The following CASK variants were observed in gnomAD, a reference collection of about 807,000 sequenced individuals.
CASK encodes calcium/calmodulin dependent serine protein kinase, also known as peripheral plasma membrane protein CASK.
Under a neutral mutation model 82.9 loss-of-function variants are expected in CASK, and 4 were observed. That is an observed-to-expected ratio of 0.05 (90% CI 0.02 to 0.11). The LOEUF (loss-of-function observed/expected upper bound fraction) is 0.11, where lower values mean the gene tolerates loss of function less well. Ranked by LOEUF, CASK falls within the 10% of genes least tolerant of loss-of-function variation. CASK has a pLI of 1.00. For synonymous variants in CASK, 259 were observed against 253.5 expected (o/e 1.02, Z -0.20); for missense variants, 358 against 720.9 (o/e 0.50, Z 5.76).
chrX:41,918,935 C>G (rs1264242467), intron 1 of CASK, among the ~76,000 whole-genome samples: 1 of 112,093 alleles, frequency 8.9e-6, no homozygotes, highest in Non-Finnish European at 1.9e-5. Context: ...AGGGCTCTGG[C>G]GTTGATCTTT....
At chrX:41,708,458 A>C (rs891636842) in intron 5 of CASK, among the ~76,000 whole-genome samples, 1 of 112,439 alleles carries the variant, frequency 8.9e-6, no homozygotes, top group African/African-American at 3.2e-5. Context: ...AATACTTTAC[A>C]AAAGTAACTC....
intron 14 of CASK, among the ~76,000 whole-genome samples, chrX:41,583,265 T>A: frequency 9.0e-6 from 1 of 111,587 alleles, no homozygotes; most frequent in Non-Finnish European, 1.9e-5. Context: ...TACAATGGGC[T>A]ATATGAGCCG....
At chrX:41,802,518 C>A (rs1231880344) in intron 2 of CASK, among the ~76,000 whole-genome samples, 1 of 112,010 alleles carries the variant, frequency 8.9e-6, no homozygotes, top group Non-Finnish European at 1.9e-5. Flanking sequence ...AATTTCTAAA[C>A]TAAAGAACAA....
chrX:41,530,326 G>C lies in CASK; in HGVS notation c.2520+681C>G, dbSNP rs1428501664. ...AAGCCTTCAGCTTTCTCTTTTTCAA[G>C]TTTAATAATTCCTACTGCAAGACAT... On this transcript the variant is annotated intron_variant, in intron 25 of 26. Transcript: ENST00000378163. Among the ~76,000 whole-genome samples the C allele has an allele frequency of 2.7e-5, 3 of 112,149 alleles. No homozygotes were observed. The East Asian group carries it at 8.4e-4, about 31-fold the overall frequency.
In CASK at chrX:41,551,424, ACTC is replaced by A. The variant is rs745679778; in HGVS notation, c.2039+2292_2039+2294del. Among the ~76,000 whole-genome samples, 491 of 111,130 alleles carry A rather than the reference ACTC, an allele frequency of 4.4e-3. 4 individuals carry two copies. Among genetic ancestry groups the A allele is most frequent in the African/African-American group, 0.015 (470 of 30,573 alleles). On this transcript the variant is annotated intron_variant, in intron 21 of 26. Transcript: ENST00000378163. ...TTAGCCTGGGGGGACTGCCTCTTGCACTCCTAACAATGAGGAGGGTCTTCTAAC... is the reference window on the plus strand; with the variant it reads ...TTAGCCTGGGGGGACTGCCTCTTGCACTAACAATGAGGAGGGTCTTCTAAC...
chrX:41,592,316 C>A (rs1380513993), intron 12 of CASK, among the ~76,000 whole-genome samples: 2 of 110,571 alleles, frequency 1.8e-5, no homozygotes, highest in Non-Finnish European at 3.8e-5. Flanking sequence ...TTTATAATGT[C>A]TAATTCCATG....
intron 3 of CASK, among the ~76,000 whole-genome samples, chrX:41,762,838 T>C (rs2069027685): frequency 9.0e-6 from 1 of 111,672 alleles, no homozygotes; most frequent in African/African-American, 3.3e-5. Context: ...TGGCCATTCA[T>C]TCCACATGCT....
At chrX:41,674,283 T>C (rs2067236636) in intron 5 of CASK, among the ~76,000 whole-genome samples, 1 of 111,072 alleles carries the variant, frequency 9.0e-6, no homozygotes, top group Admixed American at 9.6e-5. Flanking sequence ...GCGGCCTTTT[T>C]CCAAGTACAT....
intron 11 of CASK, among the ~76,000 whole-genome samples, chrX:41,614,682 C>T (rs1473376416): frequency 3.6e-5 from 4 of 111,264 alleles, no homozygotes; most frequent in African/African-American, 1.3e-4. Flanking sequence ...CCAACACGCC[C>T]AGCTAATTTT....
At chrX:41,530,124 T>C (rs1431329482) in intron 25 of CASK, among the ~76,000 whole-genome samples, 2 of 111,408 alleles carry the variant, frequency 1.8e-5, no homozygotes, top group Non-Finnish European at 3.8e-5. Context: ...AAAGGAGATT[T>C]GGTACAGATC....
intron 5 of CASK, among the ~76,000 whole-genome samples, chrX:41,695,150 A>G (rs756106475): frequency 1.3e-4 from 15 of 111,741 alleles, no homozygotes; most frequent in South Asian, 1.1e-3. Context: ...CAGAACTTCA[A>G]TGTAGGCCAT....
chrX:41,540,689 AGAAT>A (rs1214273917), intron 22 of CASK, among the ~76,000 whole-genome samples: 2 of 112,415 alleles, frequency 1.8e-5, no homozygotes, highest in African/African-American at 6.5e-5. Context: ...CGGGAATCAG[AGAAT>A]GGGAGCAATG....
chrX:41,818,145 CTGTGTGTG>C (rs59931187), intron 2 of CASK, among the ~76,000 whole-genome samples: 6,534 of 85,267 alleles, frequency 0.077, 187 homozygotes, highest in Non-Finnish European at 0.096. Context: ...AGGAGGCCTT[CTGTGTGTG>C]TGTGTGTGTG....
chrX:41,889,109 T>C (rs762910151), intron 1 of CASK, among the ~76,000 whole-genome samples: 55 of 108,036 alleles, frequency 5.1e-4, no homozygotes, highest in Non-Finnish European at 9.6e-4. Context: ...TGTTGAGAAC[T>C]AGAAATGACA....
At chrX:41,575,112 C>T (rs1055013904) in intron 15 of CASK, among the ~76,000 whole-genome samples, 3 of 111,831 alleles carry the variant, frequency 2.7e-5, no homozygotes, top group African/African-American at 9.8e-5. Context: ...AATGATAGTA[C>T]AATACAGCTT....
rs753463464 is a variant in CASK, at chrX:41,660,721, C to G, written c.709-160G>C. 7.1e-5 allele frequency among the ~76,000 whole-genome samples: 8 copies of G among 112,289 alleles called. No individual in the cohort carries two copies. The East Asian group carries it at 2.2e-3, about 31-fold the overall frequency. On this transcript the variant is annotated intron_variant, in intron 7 of 26. Coordinates refer to ENST00000378163, the MANE Select transcript of CASK (RefSeq NM_001367721.1). The stretch of plus-strand genomic sequence containing the variant: ...TTGCATTCTAAGAAAAGGACAAATG[C>G]AATTCTTCTGTTGTTCTTTACTACA...
chrX:41,521,388 A>C (rs879240654), intron 26 of CASK, among the ~76,000 whole-genome samples: 1 of 111,946 alleles, frequency 8.9e-6, no homozygotes, highest in Admixed American at 9.5e-5. Context: ...TTATGAAAAA[A>C]ACAGAAGGAA....
intron 24 of CASK, 129 bp downstream of exon 24, chrX:41,534,577 T>A: frequency 1.9e-6 from 1 of 524,661 alleles, no homozygotes; most frequent in Non-Finnish European, 3.2e-6. Flanking sequence ...CTCCTTGTTC[T>A]TTTTTTGATT....
chrX:41,576,307 CACAA>C (rs1326616591), intron 15 of CASK, among the ~76,000 whole-genome samples: 1 of 111,075 alleles, frequency 9.0e-6, no homozygotes, highest in African/African-American at 3.3e-5. Flanking sequence ...TGAGTCTTCA[CACAA>C]ACAATCAAGC....
Sources: allele counts gnomAD v4.1 joint callset (sites outside exome capture counted in the v4.1 genomes callset), GRCh38; gene constraint gnomAD v4.1.1; transcripts MANE v1.5; gene names NCBI Gene and HGNC (gene_info 2026-07-23, HGNC 2026-07-21).